Variants in TRAPPC9 observed in about 807,000 individuals in gnomAD.
TRAPPC9 encodes the protein IKK2 binding protein.
A neutral mutation model predicts 124.0 loss-of-function variants in TRAPPC9; 83 were observed. The ratio of observed to expected loss-of-function variants is 0.67; its 90% CI spans 0.56 to 0.80. The LOEUF is 0.80. Ranked by LOEUF, TRAPPC9 falls within the 30% of genes least tolerant of loss-of-function variation. TRAPPC9 has a pLI of 0.00. For missense variants in TRAPPC9, 1,302 were observed against 1,508.3 expected (o/e 0.86, Z 2.27); for synonymous variants, 638 against 617.5 (o/e 1.03, Z -0.49).
chr8:139,838,624 G>C (rs117273066), intron 21 of TRAPPC9, among the ~76,000 whole-genome samples: 1 of 152,118 alleles, frequency 6.6e-6, no homozygotes, highest in Admixed American at 6.5e-5. Flanking sequence ...TTCCTTCAGG[G>C]CCAGGCCTCT....
intron 6 of TRAPPC9, among the ~76,000 whole-genome samples, chr8:140,399,722 G>A (rs2069204526): frequency 6.6e-6 from 1 of 152,190 alleles, no homozygotes; most frequent in South Asian, 2.1e-4. Context: ...AGACTTTGAA[G>A]TGTGGACTTC....
At position 140,233,623 on chromosome 8, in the gene TRAPPC9, CCACA is replaced by C. The variant is rs35452775; in HGVS notation, c.2432-12044_2432-12041del. Among the ~76,000 whole-genome samples, 78 of 90,854 alleles carry C rather than the reference CCACA, an allele frequency of 8.6e-4. 1 individual carries two copies. Among genetic ancestry groups the C allele is most frequent in the Middle Eastern group, 0.012 (2 of 168 alleles). The allele number at this position is 90,854 out of a possible 152,430, so 59.6% of individuals were successfully genotyped here. Reference sequence around the variant, plus strand: ...CCCTCCCTCCCTCCCTCTCTCCCCACCACACACACACACACACACACACACACAT... The same window carrying C: ...CCCTCCCTCCCTCCCTCTCTCCCCACCACACACACACACACACACACACAT... On this transcript the variant is annotated intron_variant, in intron 16 of 22. Coordinates refer to ENST00000438773, the MANE Select transcript of TRAPPC9 (RefSeq NM_001160372.4).
Position 140,213,084 on chromosome 8 carries a change from AGTTTTTTT to A in TRAPPC9, c.2556+8367_2556+8374del, listed in dbSNP as rs2063102904. Among the ~76,000 whole-genome samples, 4 of 53,782 alleles carry A rather than the reference AGTTTTTTT, an allele frequency of 7.4e-5. No individual in the cohort carries two copies. In the South Asian group the frequency reaches 1.8e-3, roughly 24 times the overall value. The allele number at this position is 53,782 out of a possible 152,430, so 35.3% of individuals were successfully genotyped here. ...AGACTCTGTCTCAAAAAAAAAAAAA[AGTTTTTTT>A]GTTTTTTTGTTTTTTTACTTTCTAA... is the stretch of plus-strand genomic sequence containing the variant. On this transcript the variant is annotated intron_variant, in intron 17 of 22. Coordinates refer to ENST00000438773, the MANE Select transcript of TRAPPC9 (RefSeq NM_001160372.4).
intron 19 of TRAPPC9, among the ~76,000 whole-genome samples, chr8:139,980,085 C>T (rs1007858336): frequency 1.3e-5 from 2 of 152,150 alleles, no homozygotes; most frequent in Non-Finnish European, 1.5e-5. Flanking sequence ...TCCAAGACCC[C>T]AGGTGTCCCC....
At chr8:139,786,413 T>G (rs1469406829) in intron 21 of TRAPPC9, among the ~76,000 whole-genome samples, 1 of 151,712 alleles carries the variant, frequency 6.6e-6, no homozygotes, top group Non-Finnish European at 1.5e-5. Flanking sequence ...CCACATCAAG[T>G]GCGGTGGGGA....
chr8:140,026,483 C>T (rs1231584199), intron 17 of TRAPPC9, among the ~76,000 whole-genome samples: 1 of 152,206 alleles, frequency 6.6e-6, no homozygotes, highest in Non-Finnish European at 1.5e-5. Context: ...TTCCTACATC[C>T]TTACCACACA....
chr8:139,822,309 A>C (rs1405525143), intron 21 of TRAPPC9, among the ~76,000 whole-genome samples: 1 of 152,188 alleles, frequency 6.6e-6, no homozygotes, highest in African/African-American at 2.4e-5. Context: ...TACTGGGGTC[A>C]GTGACATATG....
At chr8:140,379,257 GA>G (rs2068534161) in intron 7 of TRAPPC9, among the ~76,000 whole-genome samples, 1 of 152,174 alleles carries the variant, frequency 6.6e-6, no homozygotes. Context: ...TTCCCTAGTG[GA>G]GGTCATCTCC....
At chr8:139,951,220 T>C in intron 19 of TRAPPC9, among the ~76,000 whole-genome samples, 1 of 152,226 alleles carries the variant, frequency 6.6e-6, no homozygotes, top group African/African-American at 2.4e-5. Context: ...TATAGGGGCT[T>C]GATGCCTGCA....
chr8:140,414,631 A>C (rs1185778115), intron 5 of TRAPPC9, among the ~76,000 whole-genome samples: 1 of 152,224 alleles, frequency 6.6e-6, no homozygotes, highest in Non-Finnish European at 1.5e-5. Flanking sequence ...ACTATTTTAG[A>C]TATCAACAAC....
intron 21 of TRAPPC9, among the ~76,000 whole-genome samples, chr8:139,734,445 T>C (rs1304852841): frequency 6.6e-6 from 1 of 152,172 alleles, no homozygotes; most frequent in East Asian, 1.9e-4. Flanking sequence ...CACCTTTTTA[T>C]ATTGAGCTCT....
At chr8:140,259,338 C>T (rs66774768) in intron 15 of TRAPPC9, among the ~76,000 whole-genome samples, 24,160 of 152,092 alleles carry the variant, frequency 0.16, 3,068 homozygotes, top group East Asian at 0.73. Context: ...GGAACACCAT[C>T]CAGGTACCAA....
chr8:140,055,110 C>A (rs1206925254), intron 17 of TRAPPC9, among the ~76,000 whole-genome samples: 1 of 152,168 alleles, frequency 6.6e-6, no homozygotes, highest in African/African-American at 2.4e-5. Flanking sequence ...AGGCTAATAA[C>A]CCTGATTAAC....
At chr8:140,014,280 G>A (rs62527030) in intron 18 of TRAPPC9, among the ~76,000 whole-genome samples, 14,852 of 152,028 alleles carry the variant, frequency 0.098, 1,250 homozygotes, top group African/African-American at 0.22. Context: ...AGGGAGGCTC[G>A]GCACTCAGAC....
chr8:140,454,636 C>T (rs1251407801), intron 1 of TRAPPC9, among the ~76,000 whole-genome samples: 1 of 100,922 alleles, frequency 9.9e-6, no homozygotes, highest in African/African-American at 3.9e-5. Flanking sequence ...GTAAGACTCC[C>T]TCTCAAAAAA....
At chr8:140,390,490 G>A (rs1475397672) in intron 7 of TRAPPC9, among the ~76,000 whole-genome samples, 1 of 152,082 alleles carries the variant, frequency 6.6e-6, no homozygotes, top group Non-Finnish European at 1.5e-5. Context: ...CATTCTCCAG[G>A]CTCTGGCTTT....
intron 18 of TRAPPC9, among the ~76,000 whole-genome samples, chr8:139,989,513 C>T (rs948399037): frequency 6.6e-6 from 1 of 152,234 alleles, no homozygotes; most frequent in African/African-American, 2.4e-5. Context: ...CAGTAAGGCA[C>T]AGTCCCCTAG....
intron 19 of TRAPPC9, among the ~76,000 whole-genome samples, chr8:139,925,285 C>T (rs945516384): frequency 6.6e-6 from 1 of 152,224 alleles, no homozygotes; most frequent in Non-Finnish European, 1.5e-5. Flanking sequence ...GAAATATCGC[C>T]TTTCTGCCCA....
intron 9 of TRAPPC9, among the ~76,000 whole-genome samples, chr8:140,350,249 T>TCGCG (rs2067515127): frequency 1.3e-5 from 2 of 152,076 alleles, no homozygotes; most frequent in African/African-American, 4.8e-5. Context: ...ATTTTTGGTC[T>TCGCG]CCTGTATTCA....
Sources: allele counts gnomAD v4.1 joint callset (sites outside exome capture counted in the v4.1 genomes callset), GRCh38; gene constraint gnomAD v4.1.1; transcripts MANE v1.5; gene names NCBI Gene and HGNC (gene_info 2026-07-23, HGNC 2026-07-21).